ADCY10: variants seen among roughly 807,000 people sequenced by gnomAD.
ADCY10 encodes adenylate cyclase 10.
ADCY10 carries 156 observed loss-of-function variants against 183.3 expected under a neutral mutation model. The observed-to-expected ratio is 0.85, with a 90% CI of 0.75 to 0.97. ADCY10 has a LOEUF of 0.97. Ranked by LOEUF, ADCY10 falls within the 50% of genes least tolerant of loss-of-function variation. ADCY10 has a pLI of 0.00. For missense variants in ADCY10, 1,745 were observed against 1,934.3 expected (o/e 0.90, Z 1.84); for synonymous variants, 645 against 670.0 (o/e 0.96, Z 0.58).
intron 30 of ADCY10, chr1:167,820,203 C>G: frequency 6.5e-7 from 1 of 1,542,432 alleles, no homozygotes. Context: ...CCCGAGGCTG[C>G]GACGGCTTCT....
chr1:167,895,107 G>A (rs1439250569), intron 7 of ADCY10, among the ~76,000 whole-genome samples: 3 of 151,646 alleles, frequency 2.0e-5, no homozygotes, highest in African/African-American at 4.9e-5. Flanking sequence ...GCTTGAACCC[G>A]GGAGGCAGAG....
intron 7 of ADCY10, among the ~76,000 whole-genome samples, chr1:167,895,659 G>T (rs147271563): frequency 1.7e-3 from 252 of 152,282 alleles, no homozygotes; most frequent in Non-Finnish European, 2.6e-3. Flanking sequence ...ATCTGTCCTA[G>T]AATTCAGGAC....
At chr1:167,851,174 CTT>C (rs1491568312) in intron 18 of ADCY10, among the ~76,000 whole-genome samples, 68 of 152,072 alleles carry the variant, frequency 4.5e-4, no homozygotes, top group African/African-American at 1.6e-3. Context: ...TATTGACACT[CTT>C]TTGTTTGTTT....
intron 7 of ADCY10, among the ~76,000 whole-genome samples, chr1:167,894,906 C>T (rs1035390818): frequency 6.6e-6 from 1 of 152,072 alleles, no homozygotes; most frequent in Admixed American, 6.6e-5. Context: ...CACTGCAGGC[C>T]GAGCACGGTG....
chr1:167,825,847 C>T (rs1167611734), intron 26 of ADCY10, among the ~76,000 whole-genome samples: 1 of 152,152 alleles, frequency 6.6e-6, no homozygotes, highest in African/African-American at 2.4e-5. Context: ...TTACTCTAAA[C>T]AACTCTTTAA....
At chr1:167,818,785 C>A (rs1426555722) in intron 30 of ADCY10, among the ~76,000 whole-genome samples, 3 of 152,148 alleles carry the variant, frequency 2.0e-5, no homozygotes, top group Non-Finnish European at 2.9e-5. Flanking sequence ...GTGATCCACC[C>A]GCCTTGGCCT....
intron 25 of ADCY10, among the ~76,000 whole-genome samples, chr1:167,830,347 T>C (rs576367221): frequency 1.3e-5 from 2 of 151,650 alleles, no homozygotes; most frequent in African/African-American, 4.8e-5. Flanking sequence ...AACTTACAGA[T>C]TGATTGATAC....
intron 21 of ADCY10, among the ~76,000 whole-genome samples, chr1:167,840,483 A>T (rs946906796): frequency 6.6e-6 from 1 of 151,860 alleles, no homozygotes; most frequent in Non-Finnish European, 1.5e-5. Flanking sequence ...CAGCCTCCCA[A>T]GTAGCTGGGA....
intron 1 of ADCY10, among the ~76,000 whole-genome samples, chr1:167,911,503 C>G (rs893974948): frequency 6.6e-6 from 1 of 152,190 alleles, no homozygotes; most frequent in Admixed American, 6.5e-5. Flanking sequence ...AAGTTACTTC[C>G]TCCTTCTTTT....
chr1:167,837,733 G>T (rs943571343), intron 21 of ADCY10, among the ~76,000 whole-genome samples: 4 of 152,122 alleles, frequency 2.6e-5, no homozygotes, highest in African/African-American at 9.7e-5. Flanking sequence ...AGAAATGCTG[G>T]GGTTTGTGAT....
Position 167,833,132 on chromosome 1 carries a change from C to G in ADCY10, c.3448G>C (p.Ala1150Pro). Residue 1150 changes from alanine (A) to proline (P), a missense_variant, in exon 25 of 33, where the codon GCC (alanine) becomes CCC (proline). Ala to Pro is a conservative substitution (Grantham distance 27, BLOSUM62 -1). Coordinates refer to ENST00000367851, the MANE Select transcript of ADCY10 (RefSeq NM_018417.6). ...VCFNMGQIVL[A>P]KKMLRKALKL... Reference sequence around the variant, plus strand: ...AGTGCCTTCCTCAGCATTTTCTTGGCAAGCACTATCTGGCCCATATTGAAA... The same window carrying G: ...AGTGCCTTCCTCAGCATTTTCTTGGGAAGCACTATCTGGCCCATATTGAAA... The G allele has an allele frequency of 6.2e-7, 1 of 1,614,148 alleles. No individual in the cohort carries two copies. The highest frequency in any genetic ancestry group is 8.5e-7 in the Non-Finnish European group (1 of 1,180,034).
Position 167,833,090 on chromosome 1 carries a change from T to G in ADCY10, c.3490A>C (p.Ile1164Leu), listed in dbSNP as rs202020230. The G allele has an allele frequency of 2.5e-6, 4 of 1,614,012 alleles. No homozygotes were observed. The highest frequency in any genetic ancestry group is 3.4e-6 in the Non-Finnish European group (4 of 1,180,036). ...LRKALKLLNR[I>L]FPYNLISLFL... ...AAGGAGATTAAGTTGTAAGGAAAGA[T>G]TCGGTTGAGGAGCTTCAGTGCCTTC... is the stretch of plus-strand genomic sequence containing the variant. Residue 1164 changes from isoleucine to leucine, a missense_variant, in exon 25 of 33, where the codon ATC becomes CTC. Physicochemically the swap from Ile to Leu is conservative, Grantham distance 5 (BLOSUM62 2). Coordinates refer to ENST00000367851, the MANE Select transcript of ADCY10 (RefSeq NM_018417.6).
chr1:167,830,976 C>T (rs190139828), intron 25 of ADCY10, among the ~76,000 whole-genome samples: 53 of 152,322 alleles, frequency 3.5e-4, no homozygotes, highest in African/African-American at 1.2e-3. Context: ...CCTTTCCAGA[C>T]CAATGTACTT....
chr1:167,814,603 A>G (rs982742542), intron 31 of ADCY10, among the ~76,000 whole-genome samples: 2 of 152,146 alleles, frequency 1.3e-5, no homozygotes, highest in Non-Finnish European at 2.9e-5. Context: ...GGATAGAACA[A>G]TTATACAAAA....
In ADCY10 at chr1:167,861,152, C is replaced by T. The variant is rs1666254769; in HGVS notation, c.1617-89G>A. 3 of 1,111,688 alleles carry T rather than the reference C, an allele frequency of 2.7e-6. No individual in the cohort carries two copies. In the Admixed American group the frequency reaches 5.9e-5, roughly 22 times the overall value. The allele number at this position is 1,111,688 out of a possible 1,614,324, so 68.9% of individuals were successfully genotyped here. ...AGGTTGAAGGAAAGCTCTGTCTTCT[C>T]ATATTCAGCTATAATGATGGAGATT... On this transcript the variant is annotated intron_variant, in intron 14 of 32. Coordinates refer to ENST00000367851, the MANE Select transcript of ADCY10 (RefSeq NM_018417.6).
At chr1:167,899,360 T>G in intron 6 of ADCY10, 63 bp downstream of exon 6, 1 of 1,538,098 alleles carries the variant, frequency 6.5e-7, no homozygotes, top group Non-Finnish European at 9.0e-7. Flanking sequence ...CAGTGACTCT[T>G]CTGGCAGGGG....
At chr1:167,868,114 T>C (rs955571286) in intron 14 of ADCY10, among the ~76,000 whole-genome samples, 1 of 152,220 alleles carries the variant, frequency 6.6e-6, no homozygotes, top group African/African-American at 2.4e-5. Flanking sequence ...TATTTCAGAC[T>C]TTCTATGATT....
intron 14 of ADCY10, among the ~76,000 whole-genome samples, chr1:167,867,235 T>C (rs1231477539): frequency 1.3e-5 from 2 of 152,158 alleles, no homozygotes; most frequent in Admixed American, 1.3e-4. Flanking sequence ...GAGCTGTACG[T>C]GGATGGGAGC....
At chr1:167,886,061 T>C (rs1668203759) in intron 8 of ADCY10, among the ~76,000 whole-genome samples, 1 of 152,148 alleles carries the variant, frequency 6.6e-6, no homozygotes, top group South Asian at 2.1e-4. Flanking sequence ...CACAAACAAA[T>C]GGAAGAACAT....
Sources: gnomAD v4.1 joint callset for allele counts (sites outside exome capture counted in the v4.1 genomes callset) on GRCh38, gnomAD v4.1.1 for gene constraint, MANE v1.5 for transcripts, NCBI Gene and HGNC (gene_info 2026-07-23, HGNC 2026-07-21) for gene names.